The following BICRAL variants were observed in gnomAD, a reference collection of about 807,000 sequenced individuals.
The protein encoded by BICRAL is BICRA like chromatin remodeling complex associated protein, also known as BRD4-interacting chromatin-remodeling complex-associated protein-like.
Under a neutral mutation model 91.8 loss-of-function variants are expected in BICRAL, and 8 were observed. That is an observed-to-expected ratio of 0.09 (90% CI 0.05 to 0.16). The LOEUF (loss-of-function observed/expected upper bound fraction) is 0.16. Ranked by LOEUF, BICRAL falls within the 10% of genes least tolerant of loss-of-function variation. The pLI, the probability that BICRAL is intolerant of heterozygous loss-of-function variation, is 1.00. For missense variants in BICRAL, 1,038 were observed against 1,310.9 expected, an observed-to-expected ratio of 0.79 and a Z score of 3.21; for synonymous variants, 445 against 491.1, an observed-to-expected ratio of 0.91 and a Z score of 1.24.
At chr6:42,765,821 G>GGTGA (rs533953182) in intron 1 of BICRAL, among the ~76,000 whole-genome samples, 130 of 152,144 alleles carry the variant, frequency 8.5e-4, no homozygotes, top group African/African-American at 2.8e-3. Flanking sequence ...AACCTGTAGG[G>GGTGA]GTGAGCATTG....
chr6:42,864,085 T>G (rs1200637702), intron 12 of BICRAL, among the ~76,000 whole-genome samples: 1 of 151,480 alleles, frequency 6.6e-6, no homozygotes, highest in Non-Finnish European at 1.5e-5. Flanking sequence ...GAGAATCGCT[T>G]GAACCGAGGA....
At chr6:42,862,843 A>G (rs16896116) in intron 12 of BICRAL, among the ~76,000 whole-genome samples, 2,223 of 152,276 alleles carry the variant, frequency 0.015, 58 homozygotes, top group African/African-American at 0.05. Context: ...TTTCAAGGCT[A>G]TATTCCCTAG....
At position 42,823,027 on chromosome 6, in the gene BICRAL, A is replaced by G. The variant is rs1168872118; in HGVS notation, c.159+24A>G. The stretch of plus-strand genomic sequence containing the variant: ...GTGTGAGTATTGGAAACTAAATGCA[A>G]TGATTGAATGGTTTCTGTCTGATTG... On this transcript the variant is annotated intron_variant, in intron 5 of 12. Coordinates refer to ENST00000314073, the MANE Select transcript of BICRAL (RefSeq NM_001393499.1). 3.5e-6 allele frequency: 5 copies of G among 1,416,736 alleles called. No individual in the cohort carries two copies. The African/African-American group carries it at 7.0e-5, about 20-fold the overall frequency. The allele number at this position is 1,416,736 out of a possible 1,614,324, so 87.8% of individuals were successfully genotyped here.
intron 5 of BICRAL, among the ~76,000 whole-genome samples, chr6:42,824,229 CAAAAAAATA>C (rs907552672): frequency 1.0e-4 from 15 of 144,614 alleles, no homozygotes; most frequent in Admixed American, 1.0e-3. Flanking sequence ...GACTCTGTCT[CAAAAAAATA>C]AAAAAAATAA....
At chr6:42,764,810 C>T (rs910596347) in intron 1 of BICRAL, among the ~76,000 whole-genome samples, 9 of 152,038 alleles carry the variant, frequency 5.9e-5, no homozygotes, top group Non-Finnish European at 8.8e-5. Context: ...CAGGCGTGTG[C>T]CACCACGCCT....
chr6:42,822,759 TTTG>T lies in BICRAL; in HGVS notation c.42-31_42-29del, dbSNP rs780035075. ...GTTCTAAATATAGATAGTATATTTG[TTTG>T]TTGTTTTATCTCTTTTTTTCCTCTC... On this transcript the variant is annotated intron_variant, in intron 3 of 12. Coordinates refer to ENST00000314073, the MANE Select transcript of BICRAL (RefSeq NM_001393499.1). 6.7e-6 allele frequency: 8 copies of T among 1,202,682 alleles called. No individual in the cohort carries two copies. The African/African-American group carries it at 9.0e-5, about 14-fold the overall frequency. 74.5% of individuals were successfully genotyped at this position (1,202,682 alleles called of 1,614,324 possible). A position where few individuals can be genotyped will look rare whatever the true frequency, so the allele number is the denominator to read the frequency against.
intron 10 of BICRAL, among the ~76,000 whole-genome samples, chr6:42,857,610 A>ATATATATAT (rs1315041878): frequency 1.0e-5 from 1 of 100,414 alleles, no homozygotes; most frequent in African/African-American, 8.2e-5. Flanking sequence ...TAAAAAAAAA[A>ATATATATAT]AAAAATATAT....
At chr6:42,806,271 C>T (rs1419268952) in intron 1 of BICRAL, among the ~76,000 whole-genome samples, 1 of 152,194 alleles carries the variant, frequency 6.6e-6, no homozygotes, top group East Asian at 1.9e-4. Context: ...CCCAATTTGC[C>T]TGAAATTTTC....
chr6:42,814,823 A>G (rs976500457), intron 2 of BICRAL, among the ~76,000 whole-genome samples: 2 of 152,106 alleles, frequency 1.3e-5, no homozygotes, highest in Non-Finnish European at 2.9e-5. Context: ...ACAGATAAGC[A>G]GATAAAGGAG....
chr6:42,822,927 C>A lies in BICRAL; in HGVS notation c.91-8C>A, dbSNP rs1316594351. ...TAGTAACCACCTATTGAATTTGTATCTTTGCAGAGCAATGATGACTTGACT... is the reference window on the plus strand; with the variant it reads ...TAGTAACCACCTATTGAATTTGTATATTTGCAGAGCAATGATGACTTGACT... On this transcript the variant is annotated splice_region_variant and splice_polypyrimidine_tract_variant and intron_variant, in intron 4 of 12. Transcript: ENST00000314073. 2 of 1,603,408 alleles carry A rather than the reference C, an allele frequency of 1.2e-6. No individual in the cohort carries two copies.
chr6:42,793,969 CATTTTTATTTTTATTTTTATTTTT>C (rs56661185), intron 1 of BICRAL, among the ~76,000 whole-genome samples: 1 of 145,868 alleles, frequency 6.9e-6, no homozygotes, highest in East Asian at 2.0e-4. Context: ...GACAAGATGA[CATTTTTATTTTTATTTTTATTTTT>C]ATTTTTATTT....
intron 2 of BICRAL, among the ~76,000 whole-genome samples, chr6:42,812,812 G>T (rs144873921): frequency 0.018 from 2,753 of 152,182 alleles, 130 homozygotes; most frequent in Admixed American, 0.12. Flanking sequence ...CAAGAGGATC[G>T]CTTGAGCCCA....
intron 2 of BICRAL, among the ~76,000 whole-genome samples, chr6:42,815,966 AAGAG>A (rs1183400009): frequency 1.3e-5 from 2 of 148,574 alleles, no homozygotes; most frequent in African/African-American, 2.5e-5. Context: ...CCTGGGCAAC[AAGAG>A]AGAAACTCTG....
intron 1 of BICRAL, among the ~76,000 whole-genome samples, chr6:42,764,232 A>G (rs1030862448): frequency 5.7e-5 from 8 of 139,424 alleles, no homozygotes; most frequent in Non-Finnish European, 1.1e-4. Flanking sequence ...ACAGAGCAAG[A>G]CTTTGTTTCC....
At chr6:42,794,513 G>A (rs923284624) in intron 1 of BICRAL, among the ~76,000 whole-genome samples, 6 of 151,298 alleles carry the variant, frequency 4.0e-5, no homozygotes, top group Non-Finnish European at 8.8e-5. Context: ...TGCTTCCCCT[G>A]CCAAGTAGTT....
chr6:42,844,498 G>C (rs1432656463), intron 6 of BICRAL, among the ~76,000 whole-genome samples: 2 of 85,456 alleles, frequency 2.3e-5, no homozygotes, highest in Non-Finnish European at 4.4e-5. Flanking sequence ...TACAGAGCAA[G>C]ACTCCATCTC....
chr6:42,815,285 G>T (rs1196773831), intron 2 of BICRAL, among the ~76,000 whole-genome samples: 1 of 150,658 alleles, frequency 6.6e-6, no homozygotes, highest in Non-Finnish European at 1.5e-5. Context: ...CATCTCCTGG[G>T]ATCAGGCAAT....
chr6:42,815,185 C>CTTTTTT (rs869106375), intron 2 of BICRAL, among the ~76,000 whole-genome samples: 25 of 101,146 alleles, frequency 2.5e-4, no homozygotes, highest in Middle Eastern at 6.6e-3. Context: ...GTCAGAATAT[C>CTTTTTT]TTTTTTTTTT....
intron 1 of BICRAL, among the ~76,000 whole-genome samples, chr6:42,765,371 C>A (rs1165597281): frequency 6.6e-6 from 1 of 152,100 alleles, no homozygotes; most frequent in Non-Finnish European, 1.5e-5. Flanking sequence ...GGAGAGATCC[C>A]AGTGGTCCAT....
Sources: allele counts gnomAD v4.1 joint callset (sites outside exome capture counted in the v4.1 genomes callset), GRCh38; gene constraint gnomAD v4.1.1; transcripts MANE v1.5; gene names NCBI Gene and HGNC (gene_info 2026-07-23, HGNC 2026-07-21).